GABPB2: variants seen among roughly 807,000 people sequenced by gnomAD.
GABPB2 encodes GA-binding protein subunit beta-2.
A neutral mutation model predicts 39.1 loss-of-function variants in GABPB2; 23 were observed. The ratio of observed to expected loss-of-function variants is 0.59; its 90% CI spans 0.42 to 0.83. The LOEUF is 0.83. GABPB2 is among the 40% of genes least tolerant of loss of function. GABPB2 has a pLI of 0.00. For missense variants in GABPB2, 467 were observed against 541.1 expected (o/e 0.86, Z 1.36); for synonymous variants, 184 against 199.3 (o/e 0.92, Z 0.65).
At chr1:151,074,178 T>G (rs1286206575) in intron 1 of GABPB2, among the ~76,000 whole-genome samples, 1 of 151,190 alleles carries the variant, frequency 6.6e-6, no homozygotes, top group Non-Finnish European at 1.5e-5. Context: ...GGTTTCACCA[T>G]GTTAGCCAAG....
intron 1 of GABPB2, among the ~76,000 whole-genome samples, chr1:151,077,356 G>GTTTTTTTT (rs35650542): frequency 9.0e-6 from 1 of 110,630 alleles, no homozygotes; most frequent in Non-Finnish European, 1.7e-5. Context: ...CAACTCATAG[G>GTTTTTTTT]TTTTTTTTTT....
Position 151,088,237 on chromosome 1 carries a change from A to C in GABPB2, c.48A>C (p.Lys16Asn). 3 of 1,614,106 alleles carry C rather than the reference A, an allele frequency of 1.9e-6. No individual in the cohort carries two copies. Among genetic ancestry groups the C allele is most frequent in the Non-Finnish European group, 2.5e-6 (3 of 1,179,994 alleles). Residue 16 changes from lysine (K) to asparagine (N), a missense_variant, in exon 2 of 9, where the codon AAA (lysine) becomes AAC (asparagine). Coordinates refer to ENST00000368918, the MANE Select transcript of GABPB2 (RefSeq NM_144618.3). ...LGKRLLEAARKGQDDEVRTLM... is the reference protein window; with the variant it reads ...LGKRLLEAARNGQDDEVRTLM... Reference sequence around the variant, plus strand: ...AGAGGTTGCTAGAAGCAGCAAGAAAAGGCCAAGATGATGAAGTGAGAACGT... The same window carrying C: ...AGAGGTTGCTAGAAGCAGCAAGAAACGGCCAAGATGATGAAGTGAGAACGT...
chr1:151,091,733 T>C (rs1678731048), intron 3 of GABPB2, among the ~76,000 whole-genome samples: 1 of 151,972 alleles, frequency 6.6e-6, no homozygotes, highest in Non-Finnish European at 1.5e-5. Context: ...TGCCTCGGAC[T>C]CCCAAAGTGG....
chr1:151,105,210 G>C (rs1679863611), intron 6 of GABPB2, among the ~76,000 whole-genome samples: 1 of 151,668 alleles, frequency 6.6e-6, no homozygotes, highest in African/African-American at 2.4e-5. Flanking sequence ...CTGGCCCTGT[G>C]ACACTTTAGA....
chr1:151,099,718 T>A (rs926475864), intron 5 of GABPB2, among the ~76,000 whole-genome samples: 4 of 152,230 alleles, frequency 2.6e-5, no homozygotes, highest in African/African-American at 7.2e-5. Context: ...ATGTATGTGA[T>A]ATACACAGAA....
chr1:151,090,706 C>T (rs1678599111), intron 3 of GABPB2, 133 bp downstream of exon 3: 5 of 871,490 alleles, frequency 5.7e-6, no homozygotes, highest in South Asian at 5.2e-5. Context: ...AGTTGCATCT[C>T]CAGGAGTCTT....
chr1:151,084,681 C>T (rs1678024265), intron 1 of GABPB2, among the ~76,000 whole-genome samples: 1 of 149,802 alleles, frequency 6.7e-6, no homozygotes. Context: ...ATTACAGGTA[C>T]CCGCCACCAT....
intron 6 of GABPB2, among the ~76,000 whole-genome samples, chr1:151,106,044 C>T (rs1017912478): frequency 1.5e-4 from 23 of 151,848 alleles, no homozygotes; most frequent in Non-Finnish European, 2.8e-4. Flanking sequence ...TCACTGCAAC[C>T]TCCGCCTCCC....
intron 1 of GABPB2, among the ~76,000 whole-genome samples, chr1:151,078,925 G>T (rs1045765302): frequency 1.3e-5 from 2 of 151,958 alleles, no homozygotes; most frequent in Non-Finnish European, 2.9e-5. Flanking sequence ...GCCTGCCTCT[G>T]CCTCCCAAAG....
chr1:151,122,675 T>A lies in GABPB2; in HGVS notation c.*4419T>A, dbSNP rs902928579. On this transcript the variant is annotated 3_prime_UTR_variant, in exon 9 of 9. Transcript: ENST00000368918. ...TGTCCATCCAACATGCCCTTCTGAC[T>A]ATACAGTCACCACTTTTTTGGGGGA... is the stretch of plus-strand genomic sequence containing the variant. 1 of 152,180 alleles carries A rather than the reference T, an allele frequency of 6.6e-6. No individual in the cohort carries two copies. The highest frequency in any genetic ancestry group is 1.5e-5 in the Non-Finnish European group (1 of 68,036). 9.4% of individuals were successfully genotyped at this position (152,180 alleles called of 1,614,324 possible).
chr1:151,098,120 A>C, intron 5 of GABPB2, 118 bp downstream of exon 5: 1 of 833,862 alleles, frequency 1.2e-6, no homozygotes, highest in Non-Finnish European at 1.9e-6. Flanking sequence ...TTGCCAAAGC[A>C]GAAGATTTGT....
chr1:151,109,976 T>C, intron 7 of GABPB2, among the ~76,000 whole-genome samples: 1 of 148,770 alleles, frequency 6.7e-6, no homozygotes, highest in Non-Finnish European at 1.5e-5. Flanking sequence ...GTAGATGGGA[T>C]TACAATCATG....
At chr1:151,088,917 G>A (rs587688231) in intron 2 of GABPB2, among the ~76,000 whole-genome samples, 4 of 152,158 alleles carry the variant, frequency 2.6e-5, no homozygotes, top group Admixed American at 6.6e-5. Flanking sequence ...GGAGAATCGC[G>A]TGAACTCGGG....
Position 151,091,728 on chromosome 1 carries a change from C to T in GABPB2, c.276+1155C>T, listed in dbSNP as rs1262335819. ...TCCTGACCTTGTGATCTGCCTGCCT[C>T]GGACTCCCAAAGTGGTGGAATTATA... is the stretch of plus-strand genomic sequence containing the variant. On this transcript the variant is annotated intron_variant, in intron 3 of 8. Transcript: ENST00000368918. Among the ~76,000 whole-genome samples, 13 of 152,040 alleles carry T rather than the reference C, an allele frequency of 8.6e-5. No individual in the cohort carries two copies. The South Asian group carries it at 2.5e-3, about 29-fold the overall frequency.
intron 4 of GABPB2, among the ~76,000 whole-genome samples, chr1:151,095,760 A>G (rs1199346907): frequency 6.6e-6 from 1 of 152,186 alleles, no homozygotes; most frequent in Non-Finnish European, 1.5e-5. Context: ...TAGGCCAGGC[A>G]TGGTAGCTCA....
chr1:151,107,305 A>G, intron 7 of GABPB2, 83 bp downstream of exon 7: 1 of 918,568 alleles, frequency 1.1e-6, no homozygotes, highest in Non-Finnish European at 1.5e-6. Flanking sequence ...CATTAAGACA[A>G]ATAGTGGAAG....
chr1:151,088,005 G>A lies in GABPB2; in HGVS notation c.1-185G>A, dbSNP rs587710278. ...GTGATAGAACTATGTATTAGGGCTT[G>A]AAACATTCCCAAATATTTTATTGTT... On this transcript the variant is annotated intron_variant, in intron 1 of 8. Coordinates refer to ENST00000368918, the MANE Select transcript of GABPB2 (RefSeq NM_144618.3). Among the ~76,000 whole-genome samples, 231 of 152,266 alleles carry A rather than the reference G, an allele frequency of 1.5e-3. 3 individuals carry two copies. The highest frequency in any genetic ancestry group is 2.3e-3 in the South Asian group (11 of 4,820).
intron 1 of GABPB2, among the ~76,000 whole-genome samples, chr1:151,079,503 T>C (rs1258101280): frequency 6.6e-6 from 1 of 152,122 alleles, no homozygotes; most frequent in East Asian, 1.9e-4. Flanking sequence ...ATTATGCCAC[T>C]GCACTCCAGC....
Position 151,118,079 on chromosome 1 carries a change from G to A in GABPB2, c.1170G>A (p.Glu390=). The part of the protein sequence containing the change: ...QEAEQYRLKL[E]AIARQQPNGV... ...CAGAACAGTACCGTCTTAAGCTGGA[G>A]GCCATAGCCCGACAGCAGCCCAATG... is the stretch of plus-strand genomic sequence containing the variant. Residue 390 remains glutamate, a synonymous_variant, in exon 9 of 9, where the codon GAG becomes GAA. Transcript: ENST00000368918. 6.2e-7 allele frequency: 1 copy of A among 1,614,192 alleles called. No individual in the cohort carries two copies. The highest frequency in any genetic ancestry group is 1.7e-5 in the Admixed American group (1 of 60,006).
Sources: gnomAD v4.1 joint callset for allele counts (sites outside exome capture counted in the v4.1 genomes callset) on GRCh38, gnomAD v4.1.1 for gene constraint, MANE v1.5 for transcripts, NCBI Gene and HGNC (gene_info 2026-07-23, HGNC 2026-07-21) for gene names.